ZNF185: variants seen among roughly 807,000 people sequenced by gnomAD.
The protein encoded by ZNF185 is zinc finger protein 185 with LIM domain.
ZNF185 carries 56 observed loss-of-function variants against 58.6 expected under a neutral mutation model. That is an observed-to-expected ratio of 0.95 (90% CI 0.77 to 1.19). ZNF185 has a LOEUF of 1.19. Ranked by LOEUF, ZNF185 falls within the 50% of genes most tolerant of loss-of-function variation. ZNF185 has a pLI of 0.00. For synonymous variants in ZNF185, 230 were observed against 215.9 expected, an observed-to-expected ratio of 1.07 and a Z score of -0.57; for missense variants, 627 against 573.5, an observed-to-expected ratio of 1.09 and a Z score of -0.95.
At position 152,919,211 on chromosome X, in the gene ZNF185, A is replaced by G. The variant is rs886697008; in HGVS notation, c.530+130A>G. On this transcript the variant is annotated intron_variant, in intron 7 of 22. Transcript: ENST00000449285. ...ACACGTAGGCCATCAGCGGTAGCCC[A>G]CGGAGCATGAGAATAGGTGTCATTC... is the stretch of plus-strand genomic sequence containing the variant. The G allele has an allele frequency of 7.8e-6, 4 of 513,140 alleles. No individual in the cohort carries two copies. The Admixed American group carries it at 1.2e-4, about 15-fold the overall frequency. 42.3% of individuals were successfully genotyped at this position (513,140 alleles called of 1,213,427 possible).
At chrX:152,938,370 T>G (rs1160550445) in intron 15 of ZNF185, among the ~76,000 whole-genome samples, 1 of 112,277 alleles carries the variant, frequency 8.9e-6, no homozygotes, top group African/African-American at 3.2e-5. Flanking sequence ...GGCCAGGAAA[T>G]ACATCATAGT....
At position 152,966,512 on chromosome X, in the gene ZNF185, T is replaced by TG. The variant is rs781832178; in HGVS notation, c.1800-650dup. 3.8e-3 allele frequency among the ~76,000 whole-genome samples: 419 copies of TG among 111,339 alleles called. 1 individual carries two copies. The highest frequency in any genetic ancestry group is 0.013 in the African/African-American group (391 of 30,593). On this transcript the variant is annotated intron_variant, in intron 19 of 22. Coordinates refer to ENST00000449285, the Ensembl canonical transcript of ZNF185. ...TGCTGTGGAATGATGAGCATGGCTG[T>TG]GGGGGTCAAGTTCAAGCCCCAGCTC...
intron 2 of ZNF185, 88 bp downstream of exon 3, chrX:152,914,921 T>C (rs1371582652): frequency 9.2e-6 from 10 of 1,088,080 alleles, no homozygotes; most frequent in African/African-American, 1.8e-5. Context: ...GCGAAGGGGC[T>C]TCCACCATTC....
intron 6 of ZNF185, 88 bp from the exon 8 acceptor site, chrX:152,918,895 C>A: frequency 3.0e-6 from 2 of 667,425 alleles, no homozygotes; most frequent in Non-Finnish European, 2.4e-6. Flanking sequence ...GAGATATTGA[C>A]TTGCCTCGTC....
chrX:152,958,956 C>G (rs1556907339), intron 16 of ZNF185, among the ~76,000 whole-genome samples: 1 of 112,378 alleles, frequency 8.9e-6, no homozygotes, highest in African/African-American at 3.2e-5. Flanking sequence ...CAGCCGCAGA[C>G]TCTGCCTGCG....
intron 17 of ZNF185, among the ~76,000 whole-genome samples, chrX:152,962,321 C>T (rs1445860510): frequency 2.7e-5 from 3 of 110,621 alleles, no homozygotes; most frequent in Non-Finnish European, 5.7e-5. Context: ...CGGTGTTTCA[C>T]TGTGTTACCC....
intron 16 of ZNF185, among the ~76,000 whole-genome samples, chrX:152,948,500 G>A (rs1401941060): frequency 1.8e-5 from 2 of 111,716 alleles, no homozygotes; most frequent in Non-Finnish European, 3.8e-5. Context: ...TGCCCTGGTC[G>A]ACAGCATTTC....
chrX:152,938,657 T>TGAGGTGGGAACATG (rs1556885093), intron 15 of ZNF185, among the ~76,000 whole-genome samples: 2 of 110,855 alleles, frequency 1.8e-5, no homozygotes, highest in Admixed American at 9.5e-5. Flanking sequence ...TTGATTGGCC[T>TGAGGTGGGAACATG]CTTGTACTGT....
chrX:152,951,498 T>C (rs919465735), intron 16 of ZNF185, among the ~76,000 whole-genome samples: 4 of 111,933 alleles, frequency 3.6e-5, no homozygotes, highest in Non-Finnish European at 5.6e-5. Flanking sequence ...TCTTTTTCCT[T>C]AGGAAAAGCA....
At chrX:152,934,249 G>A (rs2046008323) in intron 14 of ZNF185, among the ~76,000 whole-genome samples, 2 of 112,227 alleles carry the variant, frequency 1.8e-5, no homozygotes, top group Admixed American at 9.4e-5. Flanking sequence ...CTATCCAGTC[G>A]GGGCTCCTGC....
chrX:152,925,366 T>C (rs1228664125), intron 11 of ZNF185, among the ~76,000 whole-genome samples: 2 of 111,914 alleles, frequency 1.8e-5, no homozygotes, highest in African/African-American at 6.5e-5. Context: ...GTATTATAGA[T>C]TTAAAAGGCA....
the ZNF185 span, among the ~76,000 whole-genome samples, chrX:152,909,313 G>C: frequency 0.17 from 18,909 of 111,586 alleles, 1,672 homozygotes; most frequent in African/African-American, 0.35. Context: ...CATAGGCATC[G>C]CATGTCCACA....
exon 23 of ZNF185, chrX:152,972,434 C>T (rs781843042): frequency 1.8e-5 from 2 of 110,017 alleles, no homozygotes; most frequent in Non-Finnish European, 3.8e-5. Flanking sequence ...CTCTGGGCAT[C>T]CTGGATCCCT....
Position 152,937,517 on chromosome X carries a change from C to G in ZNF185, c.1122-557C>G, listed in dbSNP as rs959439013. Among the ~76,000 whole-genome samples, 19 of 111,404 alleles carry G rather than the reference C, an allele frequency of 1.7e-4. No homozygotes were observed. The Admixed American group carries it at 1.8e-3, about 11-fold the overall frequency. ...TGTCCACCTGCAAAGACAGACAGCTCTTGCTCTCTCTCTTTCTCTAGGTTC... is the reference window on the plus strand; with the variant it reads ...TGTCCACCTGCAAAGACAGACAGCTGTTGCTCTCTCTCTTTCTCTAGGTTC... On this transcript the variant is annotated intron_variant, in intron 14 of 22. Transcript: ENST00000449285.
chrX:152,962,008 G>T (rs2049544498), intron 17 of ZNF185, among the ~76,000 whole-genome samples: 1 of 112,126 alleles, frequency 8.9e-6, no homozygotes. Context: ...AGGGGTTAGA[G>T]CAAGGATGGT....
At chrX:152,956,908 A>G (rs1477025088) in intron 16 of ZNF185, among the ~76,000 whole-genome samples, 4 of 112,452 alleles carry the variant, frequency 3.6e-5, no homozygotes, top group Non-Finnish European at 7.5e-5. Flanking sequence ...ACATAAGGTA[A>G]GAATTTTATA....
At chrX:152,951,103 T>TTTTTTAGACA (rs2048264031) in intron 16 of ZNF185, among the ~76,000 whole-genome samples, 1 of 104,898 alleles carries the variant, frequency 9.5e-6, no homozygotes, top group Non-Finnish European at 2.0e-5. Context: ...TTTTTTTTTT[T>TTTTTTAGACA]GAGATGGAGT....
exon 23 of ZNF185, chrX:152,971,818 C>T (rs1275062098): frequency 8.9e-6 from 1 of 112,302 alleles, no homozygotes. Flanking sequence ...AGTTATATAG[C>T]AGTTTTTCAT....
At chrX:152,937,151 A>G (rs1479146183) in intron 14 of ZNF185, among the ~76,000 whole-genome samples, 2 of 110,923 alleles carry the variant, frequency 1.8e-5, no homozygotes, top group Non-Finnish European at 3.8e-5. Context: ...TCAGGTAAGG[A>G]TACGTCATGC....
Sources: gnomAD v4.1 joint callset for allele counts (sites outside exome capture counted in the v4.1 genomes callset) on GRCh38, gnomAD v4.1.1 for gene constraint, MANE v1.5 for transcripts, NCBI Gene and HGNC (gene_info 2026-07-23, HGNC 2026-07-21) for gene names.